BMS1: variants seen among roughly 807,000 people sequenced by gnomAD.
BMS1 encodes the protein BMS1 ribosome biogenesis factor, also known as ribosome biogenesis protein BMS1 homolog.
A neutral mutation model predicts 138.7 loss-of-function variants in BMS1; 53 were observed. That is an observed-to-expected ratio of 0.38 (90% CI 0.31 to 0.48). The LOEUF (loss-of-function observed/expected upper bound fraction) is 0.48, where lower values mean the gene tolerates loss of function less well. Ranked by LOEUF, BMS1 falls within the 20% of genes least tolerant of loss-of-function variation. BMS1 has a pLI of 0.97. For synonymous variants in BMS1, 504 were observed against 539.9 expected (o/e 0.93, Z 0.92); for missense variants, 1,360 against 1,565.5 (o/e 0.87, Z 2.22).
At position 42,821,007 on chromosome 10, in the gene BMS1, T is replaced by C. The variant is rs878899518; in HGVS notation, c.3009+15T>C. On this transcript the variant is annotated intron_variant, in intron 18 of 22. Transcript: ENST00000374518. Reference sequence around the variant, plus strand: ...GTGGCATAATGGTAACTATCTTGGATGATTTCTTTTACAGATTGGTTTGAG... The same window carrying C: ...GTGGCATAATGGTAACTATCTTGGACGATTTCTTTTACAGATTGGTTTGAG... 1.3e-6 allele frequency: 2 copies of C among 1,539,978 alleles called. No individual in the cohort carries two copies. Among genetic ancestry groups the C allele is most frequent in the African/African-American group, 2.7e-5 (2 of 73,460 alleles).
chr10:42,813,713 AT>A (rs1156679849), intron 13 of BMS1, among the ~76,000 whole-genome samples: 1 of 151,994 alleles, frequency 6.6e-6, no homozygotes, highest in African/African-American at 2.4e-5. Flanking sequence ...TTCTGTAGCC[AT>A]TTTTTTATTT....
chr10:42,826,473 C>G (rs1588760968), intron 21 of BMS1, among the ~76,000 whole-genome samples: 1 of 152,132 alleles, frequency 6.6e-6, no homozygotes, highest in Non-Finnish European at 1.5e-5. Flanking sequence ...TCAGTCTCTA[C>G]GAGGCCAGGC....
chr10:42,811,520 C>CTT (rs879940551), intron 13 of BMS1, among the ~76,000 whole-genome samples: 13,517 of 120,036 alleles, frequency 0.11, 2,273 homozygotes, highest in East Asian at 0.37. Flanking sequence ...GTTGTATTTT[C>CTT]TTTTTCTTTT....
In BMS1 at chr10:42,784,547, G is replaced by A; in HGVS notation, c.153G>A (p.Val51=). The A allele has an allele frequency of 6.2e-7, 1 of 1,613,304 alleles. No homozygotes were observed. Among genetic ancestry groups the A allele is most frequent in the East Asian group, 2.2e-5 (1 of 44,886 alleles). ...NPKAFAVQSA[V]RMARSFHRTQ... is the part of the protein sequence containing the mutation. ...AAGCTTTTGCAGTTCAGTCTGCTGTGCGGATGGCTCGATCCTTTCACAGGT... is the reference window on the plus strand; with the variant it reads ...AAGCTTTTGCAGTTCAGTCTGCTGTACGGATGGCTCGATCCTTTCACAGGT... Residue 51 remains valine, a synonymous_variant, in exon 2 of 23, where the codon GTG becomes GTA. Transcript: ENST00000374518.
intron 3 of BMS1, 76 bp downstream of exon 3, chr10:42,785,748 C>G (rs1178970262): frequency 2.7e-6 from 4 of 1,465,206 alleles, no homozygotes; most frequent in Non-Finnish European, 3.8e-6. Flanking sequence ...TTGTTGTTTT[C>G]TTGAGTGGAA....
chr10:42,824,206 A>C (rs1444459406), intron 21 of BMS1, among the ~76,000 whole-genome samples: 3 of 152,198 alleles, frequency 2.0e-5, no homozygotes, highest in African/African-American at 7.2e-5. Flanking sequence ...TATTAACTAT[A>C]GCCCTCATGA....
intron 21 of BMS1, among the ~76,000 whole-genome samples, chr10:42,824,009 A>G (rs554093649): frequency 6.6e-6 from 1 of 152,234 alleles, no homozygotes; most frequent in Non-Finnish European, 1.5e-5. Flanking sequence ...TCTTTTTTAA[A>G]ATAAATTTTA....
Position 42,822,113 on chromosome 10 carries a change from A to T in BMS1, c.3061A>T (p.Ile1021Leu). 2 of 1,582,946 alleles carry T rather than the reference A, an allele frequency of 1.3e-6. No individual in the cohort carries two copies. The highest frequency in any genetic ancestry group is 2.2e-5 in the South Asian group (2 of 89,966). ...TGVVLDLDKS[I>L]KIVKKLKLTG... ...AGTTGTCCTTGATCTGGATAAATCC[A>T]TAAAAATTGTGAAGAAATTAAAGCT... The change falls in exon 19 of 23, where the codon ATA (isoleucine) becomes TTA (leucine). Residue 1021 changes from isoleucine to leucine, a missense_variant. Physicochemically the swap from Ile to Leu is conservative, Grantham distance 5. Around this residue, in one of 3 missense-constraint regions of BMS1, gnomAD observed 425 missense variants for 568.3 expected, o/e 0.75. Coordinates refer to ENST00000374518, the MANE Select transcript of BMS1 (RefSeq NM_014753.4).
intron 13 of BMS1, among the ~76,000 whole-genome samples, chr10:42,810,886 T>G (rs1842152320): frequency 6.6e-6 from 1 of 152,272 alleles, no homozygotes; most frequent in African/African-American, 2.4e-5. Context: ...AACCCCTGTT[T>G]TATTCGTGAT....
chr10:42,785,652 G>C lies in BMS1; in HGVS notation c.347G>C (p.Gly116Ala). Residue 116 changes from glycine to alanine, a missense_variant, in exon 3 of 23, where the codon GGC (glycine) becomes GCC (alanine). By Grantham distance (60) the Gly-to-Ala change is moderately conservative (BLOSUM62 0). Transcript: ENST00000374518. ...FTRQKLTEIR[G>A]PVTIVSGKKR... is the part of the protein sequence containing the mutation. Reference sequence around the variant, plus strand: ...CGGCAGAAGTTGACTGAGATCAGAGGCCCTGTGACGATTGTGTCAGGTAGG... The same window carrying C: ...CGGCAGAAGTTGACTGAGATCAGAGCCCCTGTGACGATTGTGTCAGGTAGG... 6.2e-7 allele frequency: 1 copy of C among 1,613,816 alleles called. No individual in the cohort carries two copies. The highest frequency in any genetic ancestry group is 8.5e-7 in the Non-Finnish European group (1 of 1,179,770).
In BMS1 at chr10:42,790,516, G is replaced by A. The variant is rs1273257143; in HGVS notation, c.636+5G>A. ...TTCTGGACGGAAGTTTACCCGGTACGAAGAGAAATAATTGTTGGATACTAA... is the reference window on the plus strand; with the variant it reads ...TTCTGGACGGAAGTTTACCCGGTACAAAGAGAAATAATTGTTGGATACTAA... On this transcript the variant is annotated splice_donor_5th_base_variant and intron_variant, in intron 5 of 22. Coordinates refer to ENST00000374518, the MANE Select transcript of BMS1 (RefSeq NM_014753.4). The A allele has an allele frequency of 9.3e-6, 15 of 1,613,026 alleles. No individual in the cohort carries two copies. The Middle Eastern group carries it at 8.2e-4, about 88-fold the overall frequency.
intron 13 of BMS1, among the ~76,000 whole-genome samples, chr10:42,813,420 T>A (rs1842246787): frequency 6.6e-6 from 1 of 152,178 alleles, no homozygotes. Flanking sequence ...AGTCTTGAAG[T>A]GTTTGCTCTG....
intron 5 of BMS1, 114 bp downstream of exon 5, chr10:42,790,625 G>A (rs900599358): frequency 5.1e-5 from 59 of 1,153,856 alleles, no homozygotes; most frequent in East Asian, 7.6e-5. Flanking sequence ...AGGCAGAGGC[G>A]GTCGGATCAC....
At chr10:42,797,676 T>G (rs562519565) in intron 11 of BMS1, among the ~76,000 whole-genome samples, 153 bp downstream of exon 11, 1 of 152,354 alleles carries the variant, frequency 6.6e-6, no homozygotes, top group Admixed American at 6.5e-5. Context: ...CATCAGCTTA[T>G]GAGGACCACA....
rs557375313 is a variant in BMS1 at position 42,827,074 on chromosome 10, G to A, written c.3457-3187G>A. Among the ~76,000 whole-genome samples, 549 of 152,244 alleles carry A rather than the reference G, an allele frequency of 3.6e-3. 4 individuals are homozygous for A. Among genetic ancestry groups the A allele is most frequent in the African/African-American group, 0.012 (518 of 41,524 alleles). On this transcript the variant is annotated intron_variant, in intron 21 of 22. Coordinates refer to ENST00000374518, the MANE Select transcript of BMS1 (RefSeq NM_014753.4). Reference sequence around the variant, plus strand: ...TCACAGGGCAGATCCTTTATGAATAGATTAATGCCTTTTCATGGGACTGGA... The same window carrying A: ...TCACAGGGCAGATCCTTTATGAATAAATTAATGCCTTTTCATGGGACTGGA...
chr10:42,826,280 T>TGTGTGTGTGTGTG (rs1158850901), intron 21 of BMS1, among the ~76,000 whole-genome samples: 1 of 146,898 alleles, frequency 6.8e-6, no homozygotes, highest in Non-Finnish European at 1.5e-5. Flanking sequence ...TGTGTGTGTG[T>TGTGTGTGTGTGTG]TTTGGTTTGG....
At chr10:42,827,077 T>A (rs1050392386) in intron 21 of BMS1, among the ~76,000 whole-genome samples, 1 of 152,058 alleles carries the variant, frequency 6.6e-6, no homozygotes, top group African/African-American at 2.4e-5. Context: ...ATGAATAGAT[T>A]AATGCCTTTT....
At chr10:42,784,667 A>G in intron 2 of BMS1, 97 bp downstream of exon 2, 4 of 1,364,242 alleles carry the variant, frequency 2.9e-6, no homozygotes, top group Non-Finnish European at 3.9e-6. Context: ...AGTCTAGTCC[A>G]GCTCCAAAGG....
Position 42,832,462 on chromosome 10 carries a change from T to G in BMS1, c.*1366T>G, listed in dbSNP as rs1430547892. The G allele has an allele frequency of 6.6e-6, 1 of 152,130 alleles. No individual in the cohort carries two copies. Among genetic ancestry groups the G allele is most frequent in the Non-Finnish European group, 1.5e-5 (1 of 68,042 alleles). 9.4% of individuals were successfully genotyped at this position (152,130 alleles called of 1,614,324 possible). On this transcript the variant is annotated 3_prime_UTR_variant, in exon 23 of 23. Coordinates refer to ENST00000374518, the MANE Select transcript of BMS1 (RefSeq NM_014753.4). ...TTATACATATATGTATGTAGAACAC[T>G]TCATGAATTTGTGTGTCATCTGTGC...
Sources: allele counts gnomAD v4.1 joint callset (sites outside exome capture counted in the v4.1 genomes callset), GRCh38; gene constraint gnomAD v4.1.1; regional missense constraint gnomAD v4.1.1; transcripts MANE v1.5; gene names NCBI Gene and HGNC (gene_info 2026-07-23, HGNC 2026-07-21).